LMF1: variants seen among roughly 807,000 people sequenced by gnomAD.
LMF1 encodes transmembrane protein 112.
In LMF1, 68 loss-of-function variants were observed where a neutral mutation model predicts 60.6. The ratio of observed to expected loss-of-function variants is 1.12; its 90% CI spans 0.92 to 1.37. The LOEUF (loss-of-function observed/expected upper bound fraction) is 1.37. Ranked by LOEUF, LMF1 falls within the 40% of genes most tolerant of loss-of-function variation. The probability of loss-of-function intolerance (pLI) is 0.00; values close to 1 mark genes in which losing one functional copy is unlikely to be tolerated. For synonymous variants in LMF1, 418 were observed against 324.7 expected (o/e 1.29, Z -3.09); for missense variants, 948 against 767.2 (o/e 1.24, Z -2.78).
intron 1 of LMF1, chr16:968,860 G>A (rs1341492398): frequency 6.6e-6 from 1 of 152,218 alleles, no homozygotes; most frequent in Non-Finnish European, 1.5e-5. Context: ...GTGCTCCGGA[G>A]GCAAGGCCGC....
upstream of LMF1, chr16:971,018 C>A (rs2073040928): frequency 1.3e-5 from 8 of 611,796 alleles, no homozygotes; most frequent in Non-Finnish European, 1.4e-5. Flanking sequence ...CCCGCCCATT[C>A]TCGGAGGCCC....
At chr16:861,303 G>C (rs778511332) in intron 10 of LMF1, among the ~76,000 whole-genome samples, 13 of 151,138 alleles carry the variant, frequency 8.6e-5, no homozygotes, top group Non-Finnish European at 1.8e-4. Flanking sequence ...GAATCATTTA[G>C]GTTGATCTTG....
intron 2 of LMF1, among the ~76,000 whole-genome samples, chr16:951,166 GAC>G (rs1273562632): frequency 2.0e-5 from 3 of 150,914 alleles, no homozygotes; most frequent in Non-Finnish European, 4.4e-5. Context: ...CAGAGCCAAC[GAC>G]AGAGTCAGCC....
intron 4 of LMF1, chr16:900,340 C>A: frequency 6.6e-6 from 1 of 152,224 alleles, no homozygotes; most frequent in African/African-American, 2.4e-5. Flanking sequence ...AGGACCAAGA[C>A]AGTTTGCACA....
chr16:975,195 G>A (rs965980232), upstream of LMF1, among the ~76,000 whole-genome samples: 1 of 152,212 alleles, frequency 6.6e-6, no homozygotes, highest in Admixed American at 6.5e-5. Flanking sequence ...CTGCACCCCA[G>A]AAGGAGATGC....
chr16:957,369 C>T (rs1018444281), intron 1 of LMF1, among the ~76,000 whole-genome samples: 1 of 152,032 alleles, frequency 6.6e-6, no homozygotes, highest in Non-Finnish European at 1.5e-5. Context: ...TTTCCCCATG[C>T]ATTTATAAAT....
chr16:860,152 A>G (rs2069414561), intron 10 of LMF1, among the ~76,000 whole-genome samples: 1 of 152,162 alleles, frequency 6.6e-6, no homozygotes, highest in African/African-American at 2.4e-5. Flanking sequence ...CTATTGTCAG[A>G]TACGTGACTT....
Position 947,546 on chromosome 16 carries a change from G to A in LMF1, c.503+6811C>T, listed in dbSNP as rs1204164307. Reference sequence around the variant, plus strand: ...ACTCTTTGAAGTGGAGCCACCATCCGTCCTGCCCAGGAAGGAAGCTCCAAG... The same window carrying A: ...ACTCTTTGAAGTGGAGCCACCATCCATCCTGCCCAGGAAGGAAGCTCCAAG... On this transcript the variant is annotated intron_variant, in intron 2 of 10. Transcript: ENST00000262301. The A allele has an allele frequency of 2.0e-5, 9 of 455,944 alleles. No homozygotes were observed. In the East Asian group the frequency reaches 2.8e-4, roughly 14 times the overall value. 28.2% of individuals were successfully genotyped at this position (455,944 alleles called of 1,614,324 possible).
At chr16:892,078 C>T (rs2070504666) in intron 5 of LMF1, among the ~76,000 whole-genome samples, 1 of 152,210 alleles carries the variant, frequency 6.6e-6, no homozygotes, top group African/African-American at 2.4e-5. Flanking sequence ...CTGTGCCAGG[C>T]CGGCACGTGG....
chr16:942,995 G>T (rs969800238), intron 2 of LMF1, among the ~76,000 whole-genome samples: 1 of 152,226 alleles, frequency 6.6e-6, no homozygotes, highest in Non-Finnish European at 1.5e-5. Context: ...CCTCCAACCT[G>T]TTATTAAGCC....
upstream of LMF1, among the ~76,000 whole-genome samples, chr16:975,223 C>T (rs1282961468): frequency 6.6e-6 from 1 of 152,202 alleles, no homozygotes; most frequent in Non-Finnish European, 1.5e-5. Flanking sequence ...TGTGACCCTG[C>T]AAGCTGGCAA....
In LMF1 at chr16:954,507, T is replaced by A; in HGVS notation, c.353A>T (p.Asp118Val). ...CAGGTTGGAGTTCATGTCTGACCAGTCCATCAGCCAGAGGATGGTGGGCAT... is the reference window on the plus strand; with the variant it reads ...CAGGTTGGAGTTCATGTCTGACCAGACCATCAGCCAGAGGATGGTGGGCAT... ...SYMPTILWLMDWSDMNSNLDL... is the reference protein window; with the variant it reads ...SYMPTILWLMVWSDMNSNLDL... Residue 118 changes from aspartate (D) to valine (V), a missense_variant, in exon 2 of 11, where the codon GAC becomes GTC. Physicochemically the swap from Asp to Val is radical, Grantham distance 152 (BLOSUM62 -3). Coordinates refer to ENST00000262301, the MANE Select transcript of LMF1 (RefSeq NM_022773.4). 2 of 1,612,918 alleles carry A rather than the reference T, an allele frequency of 1.2e-6. No homozygotes were observed. The highest frequency in any genetic ancestry group is 1.7e-6 in the Non-Finnish European group (2 of 1,179,600).
In LMF1 at chr16:943,478, C is replaced by A. The variant is rs369241248; in HGVS notation, c.504-9224G>T. Reference sequence around the variant, plus strand: ...TGGTAGTTCATGCCTGTAATCCCAGCACTTTGGGAGGCCGAGGCGGGCGGA... The same window carrying A: ...TGGTAGTTCATGCCTGTAATCCCAGAACTTTGGGAGGCCGAGGCGGGCGGA... On this transcript the variant is annotated intron_variant, in intron 2 of 10. Coordinates refer to ENST00000262301, the MANE Select transcript of LMF1 (RefSeq NM_022773.4). 2.2e-4 allele frequency among the ~76,000 whole-genome samples: 33 copies of A among 151,870 alleles called. 1 individual carries two copies. Among genetic ancestry groups the A allele is most frequent in the South Asian group, 2.1e-3 (10 of 4,810 alleles).
intron 1 of LMF1, among the ~76,000 whole-genome samples, chr16:977,930 CAT>C (rs1491367942): frequency 2.0e-5 from 3 of 146,602 alleles, no homozygotes; most frequent in Non-Finnish European, 4.5e-5. Context: ...ATACCACACA[CAT>C]ACATCATACA....
intron 1 of LMF1, among the ~76,000 whole-genome samples, chr16:970,243 C>T (rs1198353305): frequency 6.6e-6 from 1 of 152,242 alleles, no homozygotes; most frequent in Non-Finnish European, 1.5e-5. Flanking sequence ...CCCGGGCCGG[C>T]TCCTCGGATT....
chr16:953,311 G>A (rs1315163692), intron 2 of LMF1, among the ~76,000 whole-genome samples: 12 of 50,578 alleles, frequency 2.4e-4, no homozygotes, highest in Admixed American at 1.2e-3. Context: ...CCTCCTACAC[G>A]TCCACACAGA....
chr16:958,505 C>A (rs1018930635), intron 1 of LMF1, among the ~76,000 whole-genome samples: 2 of 152,214 alleles, frequency 1.3e-5, no homozygotes, highest in African/African-American at 4.8e-5. Context: ...AAAAGATGCT[C>A]AACATCCTTC....
chr16:981,347 A>AAAGAGTGTGTGT (rs2073368655), upstream of LMF1: 1 of 94,616 alleles, frequency 1.1e-5, no homozygotes, highest in African/African-American at 7.9e-5. Context: ...AGAGAGAGAG[A>AAAGAGTGTGTGT]GTGTGTGTGT....
intron 2 of LMF1, among the ~76,000 whole-genome samples, chr16:943,188 G>A (rs919923830): frequency 2.0e-5 from 3 of 150,166 alleles, no homozygotes; most frequent in East Asian, 2.0e-4. Flanking sequence ...TGGCTAACAC[G>A]GTGAAACCCT....
Sources: gnomAD v4.1 joint callset for allele counts (sites outside exome capture counted in the v4.1 genomes callset) on GRCh38, gnomAD v4.1.1 for gene constraint, MANE v1.5 for transcripts, NCBI Gene and HGNC (gene_info 2026-07-23, HGNC 2026-07-21) for gene names.